The following VAX2 variants were observed in gnomAD, a reference collection of about 807,000 sequenced individuals.
The protein encoded by VAX2 is ventral anterior homeobox 2.
Under a neutral mutation model 12.5 loss-of-function variants are expected in VAX2, and 8 were observed. The observed-to-expected ratio is 0.64, with a 90% CI of 0.37 to 1.15. VAX2 has a LOEUF of 1.15. VAX2 is among the 50% of genes most tolerant of loss of function. The pLI, the probability that VAX2 is intolerant of heterozygous loss-of-function variation, is 0.01. For synonymous variants in VAX2, 183 were observed against 187.6 expected, an observed-to-expected ratio of 0.98 and a Z score of 0.20; for missense variants, 476 against 412.9, an observed-to-expected ratio of 1.15 and a Z score of -1.32.
intron 1 of VAX2, among the ~76,000 whole-genome samples, chr2:70,906,520 C>CCTTTTT (rs1679063567): frequency 1.7e-5 from 1 of 60,606 alleles, no homozygotes; most frequent in African/African-American, 8.2e-5. Flanking sequence ...TTTTCTTTTC[C>CCTTTTT]TTTTTTTTTT....
At chr2:70,902,325 T>C (rs1371083591) in intron 1 of VAX2, among the ~76,000 whole-genome samples, 1 of 152,202 alleles carries the variant, frequency 6.6e-6, no homozygotes, top group Non-Finnish European at 1.5e-5. Context: ...CTGCTACTCA[T>C]AGTTGACTGC....
Position 70,933,071 on chromosome 2 carries a change from C to T in VAX2, c.740C>T (p.Ala247Val). The T allele has an allele frequency of 6.2e-7, 1 of 1,609,184 alleles. No homozygotes were observed. The highest frequency in any genetic ancestry group is 1.1e-5 in the South Asian group (1 of 90,094). Residue 247 changes from alanine (A) to valine (V), a missense_variant, in exon 3 of 3, where the codon GCT (alanine) becomes GTT (valine). Ala to Val is a moderately conservative substitution (Grantham distance 64). Coordinates refer to ENST00000234392, the MANE Select transcript of VAX2 (RefSeq NM_012476.3). Reference sequence around the variant, plus strand: ...CCCCCACTGCCGCCCCCTCTGCCAGCTGTCTGCTTTTCCTCGGCCCCGCTC... The same window carrying T: ...CCCCCACTGCCGCCCCCTCTGCCAGTTGTCTGCTTTTCCTCGGCCCCGCTC... Reference protein sequence around the residue: ...ASPPLPPPLPAVCFSSAPLLD... With the variant: ...ASPPLPPPLPVVCFSSAPLLD...
chr2:70,913,711 A>C (rs1355438215), intron 1 of VAX2, among the ~76,000 whole-genome samples: 1 of 127,478 alleles, frequency 7.8e-6, no homozygotes, highest in African/African-American at 2.9e-5. Context: ...AAATAAATAA[A>C]TAAATAAATA....
intron 1 of VAX2, among the ~76,000 whole-genome samples, chr2:70,918,381 G>A (rs1224852214): frequency 1.3e-5 from 2 of 152,164 alleles, no homozygotes; most frequent in East Asian, 1.9e-4. Flanking sequence ...GGGGTGGGAC[G>A]CTTGGAGGGA....
chr2:70,927,302 G>A (rs1679595363), intron 2 of VAX2, among the ~76,000 whole-genome samples: 1 of 151,752 alleles, frequency 6.6e-6, no homozygotes, highest in African/African-American at 2.4e-5. Context: ...GCTGGAGGAC[G>A]TTCTCAGGGC....
In VAX2 at chr2:70,933,094, C is replaced by A; in HGVS notation, c.763C>A (p.Leu255Ile). The A allele has an allele frequency of 1.2e-6, 2 of 1,610,358 alleles. No individual in the cohort carries two copies. The highest frequency in any genetic ancestry group is 1.7e-6 in the Non-Finnish European group (2 of 1,178,596). Residue 255 changes from leucine (L) to isoleucine (I), a missense_variant, in exon 3 of 3, where the codon CTC (leucine) becomes ATC (isoleucine). Leu to Ile is a conservative substitution (Grantham distance 5). Coordinates refer to ENST00000234392, the MANE Select transcript of VAX2 (RefSeq NM_012476.3). ...LPAVCFSSAP[L>I]LDLPAGYELG... ...AGCTGTCTGCTTTTCCTCGGCCCCG[C>A]TCCTGGATCTGCCTGCCGGCTACGA...
chr2:70,925,368 A>T lies in VAX2; in HGVS notation c.435+4083A>T, dbSNP rs117127248. ...AGAGGCACTCTAATTTAGTGCTGGA[A>T]CATATTAGGACTTGCTCATGGATTA... On this transcript the variant is annotated intron_variant, in intron 2 of 2. Transcript: ENST00000234392. Among the ~76,000 whole-genome samples, 133 of 152,208 alleles carry T rather than the reference A, an allele frequency of 8.7e-4. 4 individuals are homozygous for T. In the East Asian group the frequency reaches 0.023, roughly 27 times the overall value.
chr2:70,931,068 C>A (rs1254398404), intron 2 of VAX2, among the ~76,000 whole-genome samples: 2 of 152,188 alleles, frequency 1.3e-5, no homozygotes, highest in Non-Finnish European at 2.9e-5. Context: ...TTCTTTTGGG[C>A]CCTCCCCCAA....
chr2:70,906,224 A>G (rs1679055752), intron 1 of VAX2, among the ~76,000 whole-genome samples: 1 of 152,038 alleles, frequency 6.6e-6, no homozygotes, highest in Non-Finnish European at 1.5e-5. Context: ...CATACCCCCA[A>G]CCCAGCTCAT....
At chr2:70,929,686 C>CAAAAAAA (rs59020150) in intron 2 of VAX2, among the ~76,000 whole-genome samples, 2,153 of 142,700 alleles carry the variant, frequency 0.015, 71 homozygotes, top group African/African-American at 0.053. Flanking sequence ...GACTCCATCT[C>CAAAAAAA]AAAAAAAAAA....
chr2:70,921,248 C>A lies in VAX2; in HGVS notation c.398C>A (p.Thr133Asn). ...RCQYVVGRER[T>N]ELARQLNLSE... The stretch of plus-strand genomic sequence containing the variant: ...CAGTATGTGGTGGGCCGCGAGCGCA[C>A]TGAGCTGGCCCGCCAGCTGAACCTC... The change falls in exon 2 of 3, where the codon ACT becomes AAT. Residue 133 changes from threonine (T) to asparagine (N), a missense_variant. Physicochemically the swap from Thr to Asn is moderately conservative, Grantham distance 65. Transcript: ENST00000234392. 6.2e-7 allele frequency: 1 copy of A among 1,612,450 alleles called. No individual in the cohort carries two copies. The highest frequency in any genetic ancestry group is 2.2e-5 in the East Asian group (1 of 44,780).
At chr2:70,907,043 A>G (rs2104760189) in intron 1 of VAX2, among the ~76,000 whole-genome samples, 1 of 152,360 alleles carries the variant, frequency 6.6e-6, no homozygotes, top group Admixed American at 6.5e-5. Context: ...TTCTGTAGGT[A>G]TTAATTAGGC....
chr2:70,928,226 T>C (rs1553413807), intron 2 of VAX2, among the ~76,000 whole-genome samples: 1 of 152,216 alleles, frequency 6.6e-6, no homozygotes, highest in East Asian at 1.9e-4. Flanking sequence ...ATGGGCTTGA[T>C]GGTGGGAAGT....
At chr2:70,911,723 T>C (rs542107278) in intron 1 of VAX2, among the ~76,000 whole-genome samples, 1 of 152,348 alleles carries the variant, frequency 6.6e-6, no homozygotes, top group Non-Finnish European at 1.5e-5. Context: ...ATTAACCACA[T>C]GCATTTCTTC....
chr2:70,929,982 A>G (rs767977329), intron 2 of VAX2, among the ~76,000 whole-genome samples: 3 of 152,222 alleles, frequency 2.0e-5, no homozygotes, highest in Non-Finnish European at 4.4e-5. Context: ...GAATGAATGG[A>G]TAAATGAAGC....
chr2:70,910,298 G>T (rs1226162818), intron 1 of VAX2, among the ~76,000 whole-genome samples: 5 of 152,042 alleles, frequency 3.3e-5, no homozygotes, highest in African/African-American at 9.7e-5. Flanking sequence ...TTTGAAATTT[G>T]TCATAATAAA....
chr2:70,921,370 G>T, intron 2 of VAX2, 85 bp downstream of exon 2: 2 of 1,422,194 alleles, frequency 1.4e-6, no homozygotes, highest in East Asian at 2.6e-5. Context: ...AGCTGCTACA[G>T]GGAGACCCAA....
intron 2 of VAX2, among the ~76,000 whole-genome samples, 179 bp downstream of exon 2, chr2:70,921,464 G>A (rs986207672): frequency 8.5e-5 from 13 of 152,086 alleles, no homozygotes; most frequent in Admixed American, 3.3e-4. Flanking sequence ...ATATAGCGCC[G>A]ACCACAGACA....
In VAX2 at chr2:70,921,857, CT is replaced by C. The variant is rs1679465863; in HGVS notation, c.435+576del. 1.3e-5 allele frequency among the ~76,000 whole-genome samples: 2 copies of C among 152,068 alleles called. 1 individual carries two copies. Among genetic ancestry groups the C allele is most frequent in the Admixed American group, 1.3e-4 (2 of 15,274 alleles). ...GTGTGCTTAACTCAAAAGAAAAAAA[CT>C]TTTGTAAATTAAGCACCTACCCTGT... On this transcript the variant is annotated intron_variant, in intron 2 of 2. Coordinates refer to ENST00000234392, the MANE Select transcript of VAX2 (RefSeq NM_012476.3).
Sources: gnomAD v4.1 joint callset for allele counts (sites outside exome capture counted in the v4.1 genomes callset) on GRCh38, gnomAD v4.1.1 for gene constraint, MANE v1.5 for transcripts, NCBI Gene and HGNC (gene_info 2026-07-23, HGNC 2026-07-21) for gene names.